The following TAAR5 variants were observed in gnomAD, a reference collection of about 807,000 sequenced individuals.
The protein encoded by TAAR5 is trace amine associated receptor 5.
Under a neutral mutation model 21.1 loss-of-function variants are expected in TAAR5, and 27 were observed. The ratio of observed to expected loss-of-function variants is 1.28; its 90% CI spans 0.94 to 1.76. The LOEUF is 1.76. TAAR5 is among the 40% of genes most tolerant of loss of function. The pLI is 0.00. For missense variants in TAAR5, 495 were observed against 405.6 expected (o/e 1.22, Z -1.89); for synonymous variants, 203 against 167.5 (o/e 1.21, Z -1.64).
Position 132,589,448 on chromosome 6 carries a change from T to A in TAAR5, c.239A>T (p.Asp80Val), listed in dbSNP as rs1254557987. Residue 80 changes from aspartate to valine, a missense_variant, in exon 1 of 1, where the codon GAC (aspartate) becomes GTC (valine). Physicochemically the swap from Asp to Val is radical, Grantham distance 152 (BLOSUM62 -3). Coordinates refer to ENST00000258034, the MANE Select transcript of TAAR5 (RefSeq NM_003967.3). ...NFLLLSLALADMFLGLLVLPL... is the reference protein window; with the variant it reads ...NFLLLSLALAVMFLGLLVLPL... Reference sequence around the variant, plus strand: ...CAGCACCAGCAGACCCAGAAACATGTCAGCCAGGGCCAGGGAGAGCAGCAG... The same window carrying A: ...CAGCACCAGCAGACCCAGAAACATGACAGCCAGGGCCAGGGAGAGCAGCAG... The A allele has an allele frequency of 6.2e-7, 1 of 1,613,788 alleles. No individual in the cohort carries two copies. Among genetic ancestry groups the A allele is most frequent in the African/African-American group, 1.3e-5 (1 of 74,876 alleles).
At chr6:132,609,717 C>A in the TAAR5 span, among the ~76,000 whole-genome samples, 1 of 152,136 alleles carries the variant, frequency 6.6e-6, no homozygotes, top group African/African-American at 2.4e-5. Context: ...ACTCAATACA[C>A]AAAAACCAAG....
At chr6:132,609,173 T>C in the TAAR5 span, 1 of 371,838 alleles carries the variant, frequency 2.7e-6, no homozygotes. Context: ...CATAACCGAA[T>C]ACATTATCAC....
chr6:132,608,149 A>G, the TAAR5 span: 4 of 356,572 alleles, frequency 1.1e-5, no homozygotes, highest in East Asian at 7.3e-5. Flanking sequence ...TAATAGTATC[A>G]TGTTTGCAGT....
the TAAR5 span, among the ~76,000 whole-genome samples, chr6:132,599,856 T>A: frequency 2.0e-5 from 3 of 152,216 alleles, no homozygotes; most frequent in African/African-American, 4.8e-5. Flanking sequence ...AAATTTTGAT[T>A]GCTTCAGTCA....
At chr6:132,592,288 T>A (rs376549232), upstream of TAAR5, among the ~76,000 whole-genome samples, 18 of 152,328 alleles carry the variant, frequency 1.2e-4, no homozygotes, top group African/African-American at 4.3e-4. Flanking sequence ...TTTAACAAAA[T>A]CGATTATAAT....
the TAAR5 span, among the ~76,000 whole-genome samples, chr6:132,596,722 G>A: frequency 6.6e-6 from 1 of 151,954 alleles, no homozygotes; most frequent in African/African-American, 2.4e-5. Context: ...CCAAGCCATA[G>A]GGAAATAAAA....
the TAAR5 span, among the ~76,000 whole-genome samples, chr6:132,616,106 A>G: frequency 6.6e-6 from 1 of 152,160 alleles, no homozygotes; most frequent in East Asian, 1.9e-4. Flanking sequence ...CATTACATTT[A>G]TAGGTTAAAA....
the TAAR5 span, among the ~76,000 whole-genome samples, chr6:132,603,252 G>A: frequency 1.2e-4 from 17 of 147,294 alleles, no homozygotes; most frequent in African/African-American, 3.5e-4. Flanking sequence ...GTAGTGAGCC[G>A]TGATTGTGCC....
the TAAR5 span, among the ~76,000 whole-genome samples, chr6:132,602,202 G>T: frequency 2.4e-4 from 36 of 152,212 alleles, no homozygotes; most frequent in Middle Eastern, 3.4e-3. Context: ...CAAATGAGGT[G>T]GGGGAAGATG....
chr6:132,603,069 G>C, the TAAR5 span, among the ~76,000 whole-genome samples: 3 of 151,914 alleles, frequency 2.0e-5, no homozygotes, highest in Non-Finnish European at 4.4e-5. Flanking sequence ...TTGGGAGGCC[G>C]AAGTGGGTAA....
At chr6:132,601,063 A>G in the TAAR5 span, among the ~76,000 whole-genome samples, 1 of 111,132 alleles carries the variant, frequency 9.0e-6, no homozygotes, top group Non-Finnish European at 2.1e-5. Flanking sequence ...GAAGGAGGGA[A>G]AGAAGGAAGG....
chr6:132,588,785 T>C lies in TAAR5; in HGVS notation c.902A>G (p.Asn301Ser), dbSNP rs201109454. ...IWFAYFNSACNPIIYVFSYQW... is the reference protein window; with the variant it reads ...IWFAYFNSACSPIIYVFSYQW... ...GTAGGAAAAGACATAGATGATGGGG[T>C]TGCAGGCTGAGTTGAAGTAAGCAAA... is the stretch of plus-strand genomic sequence containing the variant. The change falls in exon 1 of 1, where the codon AAC becomes AGC. Residue 301 changes from asparagine to serine, a missense_variant. By Grantham distance (46) the Asn-to-Ser change is conservative. Transcript: ENST00000258034. The C allele has an allele frequency of 2.3e-4, 379 of 1,613,824 alleles. No homozygotes were observed. The highest frequency in any genetic ancestry group is 3.2e-4 in the Non-Finnish European group (372 of 1,179,982).
At chr6:132,608,288 A>G in the TAAR5 span, 1 of 442,730 alleles carries the variant, frequency 2.3e-6, no homozygotes, top group East Asian at 7.0e-5. Context: ...TCTGAATGGG[A>G]GCTAAATATT....
chr6:132,591,314 G>A (rs151333639), upstream of TAAR5, among the ~76,000 whole-genome samples: 2,048 of 152,262 alleles, frequency 0.013, 26 homozygotes, highest in Non-Finnish European at 0.019. Context: ...CACAGTATCA[G>A]TCAAACTAAA....
At chr6:132,615,367 C>T in the TAAR5 span, among the ~76,000 whole-genome samples, 1 of 151,732 alleles carries the variant, frequency 6.6e-6, no homozygotes, top group East Asian at 1.9e-4. Context: ...CTGAATGTAA[C>T]AAGAAAGTAT....
the TAAR5 span, among the ~76,000 whole-genome samples, chr6:132,614,613 C>T: frequency 1.3e-5 from 2 of 152,020 alleles, no homozygotes; most frequent in African/African-American, 2.4e-5. Context: ...AATCAATGAC[C>T]GTCCTCTTGT....
At chr6:132,613,647 A>G in the TAAR5 span, among the ~76,000 whole-genome samples, 2 of 152,234 alleles carry the variant, frequency 1.3e-5, no homozygotes, top group African/African-American at 4.8e-5. Flanking sequence ...AATGCAATAT[A>G]TCATGGAGTT....
chr6:132,604,955 T>A, the TAAR5 span, among the ~76,000 whole-genome samples: 3 of 152,176 alleles, frequency 2.0e-5, no homozygotes, highest in African/African-American at 7.2e-5. Context: ...GATGACTGCA[T>A]GGAGAGGGAC....
At chr6:132,593,622 C>A (rs1432780242), upstream of TAAR5, among the ~76,000 whole-genome samples, 2 of 152,062 alleles carry the variant, frequency 1.3e-5, no homozygotes, top group Non-Finnish European at 2.9e-5. Context: ...TTTGTGGACA[C>A]CCTTGTAAAG....
Sources: allele counts gnomAD v4.1 joint callset (sites outside exome capture counted in the v4.1 genomes callset), GRCh38; gene constraint gnomAD v4.1.1; transcripts MANE v1.5; gene names NCBI Gene and HGNC (gene_info 2026-07-23, HGNC 2026-07-21).